SRC: variants seen among roughly 807,000 people sequenced by gnomAD.
SRC encodes the protein SRC proto-oncogene, non-receptor tyrosine kinase, also known as proto-oncogene tyrosine-protein kinase Src.
Under a neutral mutation model 62.9 loss-of-function variants are expected in SRC, and 13 were observed. That is an observed-to-expected ratio of 0.21 (90% CI 0.13 to 0.33). The LOEUF (loss-of-function observed/expected upper bound fraction) is 0.33, where lower values mean the gene tolerates loss of function less well. Ranked by LOEUF, SRC falls within the 10% of genes least tolerant of loss-of-function variation. The pLI, the probability that SRC is intolerant of heterozygous loss-of-function variation, is 1.00. For missense variants in SRC, 457 were observed against 737.3 expected (o/e 0.62, Z 4.40); for synonymous variants, 302 against 317.5 (o/e 0.95, Z 0.52).
At chr20:37,381,025 C>T (rs1174045036) in intron 2 of SRC, among the ~76,000 whole-genome samples, 2 of 151,998 alleles carry the variant, frequency 1.3e-5, no homozygotes, top group African/African-American at 2.4e-5. Flanking sequence ...TATTCCCGAT[C>T]GATAGAGAGG....
At position 37,403,420 on chromosome 20, in the gene SRC, G is replaced by T; in HGVS notation, c.*41G>T. ...GACCGGCTTCTCGGCTTGGATCCTG[G>T]GCTGGGTGGCCCCTGTCTCGGGGCT... On this transcript the variant is annotated 3_prime_UTR_variant, in exon 14 of 14. Coordinates refer to ENST00000373578, the MANE Select transcript of SRC (RefSeq NM_198291.3). This position sits in a 1 kb window ranked among gnomAD's most constrained non-coding sequence, Gnocchi z 7.1. The T allele has an allele frequency of 6.5e-7, 1 of 1,528,730 alleles. No homozygotes were observed. The allele number at this position is 1,528,730 out of a possible 1,614,324, so 94.7% of individuals were successfully genotyped here.
At chr20:37,346,365 C>T (rs1055993105) in intron 1 of SRC, 110 bp downstream of exon 1, 1 of 135,656 alleles carries the variant, frequency 7.4e-6, no homozygotes, top group South Asian at 2.1e-4. Context: ...CTCCTGTCCA[C>T]CCCCCCAATT....
chr20:37,357,344 C>T (rs2069898587), intron 1 of SRC, among the ~76,000 whole-genome samples: 1 of 152,224 alleles, frequency 6.6e-6, no homozygotes, highest in African/African-American at 2.4e-5. Context: ...ATGGGCCCTT[C>T]TCTTCTCTGG....
chr20:37,345,469 C>T (rs1254052638), upstream of SRC, among the ~76,000 whole-genome samples: 3 of 152,178 alleles, frequency 2.0e-5, no homozygotes, highest in Non-Finnish European at 4.4e-5. Flanking sequence ...AGGGGACTTC[C>T]GATGGGCTGC....
In SRC at chr20:37,398,953, G is replaced by A. The variant is rs999322507; in HGVS notation, c.859+1099G>A. Among the ~76,000 whole-genome samples the A allele has an allele frequency of 1.3e-5, 2 of 152,194 alleles. No homozygotes were observed. Among genetic ancestry groups the A allele is most frequent in the Admixed American group, 6.5e-5 (1 of 15,282 alleles). ...CGGAGGCCCAGCGACTGGGAGGAAC[G>A]GGCCCAAGGTCACACATCAAAGGAA... On this transcript the variant is annotated intron_variant, in intron 9 of 13. Coordinates refer to ENST00000373578, the MANE Select transcript of SRC (RefSeq NM_198291.3). The surrounding 1 kb of genome is among the most constrained non-coding windows in gnomAD (Gnocchi z 5.2).
At chr20:37,393,550 G>T (rs920344594) in intron 5 of SRC, among the ~76,000 whole-genome samples, 2 of 152,158 alleles carry the variant, frequency 1.3e-5, no homozygotes, top group Non-Finnish European at 1.5e-5. Flanking sequence ...GCAGCTCTCG[G>T]CATCTTGAGA....
At chr20:37,394,058 C>A (rs997962424) in intron 6 of SRC, 65 bp downstream of exon 6, 1 of 1,576,816 alleles carries the variant, frequency 6.3e-7, no homozygotes, top group Non-Finnish European at 8.7e-7. Flanking sequence ...GAGTGCCTCT[C>A]CTGGGCTGGG....
chr20:37,397,970 T>C lies in SRC; in HGVS notation c.859+116T>C, dbSNP rs1170303361. 2 of 1,328,712 alleles carry C rather than the reference T, an allele frequency of 1.5e-6. No homozygotes were observed. Among genetic ancestry groups the C allele is most frequent in the Admixed American group, 2.5e-5 (1 of 39,240 alleles). The allele number at this position is 1,328,712 out of a possible 1,614,324, so 82.3% of individuals were successfully genotyped here. A position where few individuals can be genotyped will look rare whatever the true frequency, so the allele number is the denominator to read the frequency against. On this transcript the variant is annotated intron_variant, in intron 9 of 13. Coordinates refer to ENST00000373578, the MANE Select transcript of SRC (RefSeq NM_198291.3). The surrounding 1 kb of genome is among the most constrained non-coding windows in gnomAD (Gnocchi z 4.1). The stretch of plus-strand genomic sequence containing the variant: ...CCTCTGCTGGATGACGGGGCCCTGT[T>C]GTAAATCTGGAGCTCCCCAGCGGTG...
At position 37,384,851 on chromosome 20, in the gene SRC, C is replaced by T. The variant is rs1452801341; in HGVS notation, c.250+448C>T. ...GTTGGGCCCGCGCCAGGATGCGCCC[C>T]TGCGCCCTCTGCTGGCGCTCTGCGG... is the stretch of plus-strand genomic sequence containing the variant. On this transcript the variant is annotated intron_variant, in intron 4 of 13. Transcript: ENST00000373578. The surrounding 1 kb of genome is among the most constrained non-coding windows in gnomAD (Gnocchi z 6.7). 6.6e-6 allele frequency among the ~76,000 whole-genome samples: 1 copy of T among 152,202 alleles called. No homozygotes were observed. The highest frequency in any genetic ancestry group is 2.4e-5 in the African/African-American group (1 of 41,456).
Position 37,395,056 on chromosome 20 carries a change from C to T in SRC, c.553+779C>T, listed in dbSNP as rs111446715. 1.5e-3 allele frequency among the ~76,000 whole-genome samples: 231 copies of T among 152,224 alleles called. 1 individual carries two copies. Among genetic ancestry groups the T allele is most frequent in the African/African-American group, 5.2e-3 (215 of 41,522 alleles). Reference sequence around the variant, plus strand: ...GCTACTGGGCATGGGCATGCCTGTGCGTGTATGGACATGTGGCTGGGGTTG... The same window carrying T: ...GCTACTGGGCATGGGCATGCCTGTGTGTGTATGGACATGTGGCTGGGGTTG... On this transcript the variant is annotated intron_variant, in intron 7 of 13. Coordinates refer to ENST00000373578, the MANE Select transcript of SRC (RefSeq NM_198291.3).
Position 37,398,172 on chromosome 20 carries a change from A to G in SRC, c.859+318A>G, listed in dbSNP as rs1005878530. Among the ~76,000 whole-genome samples the G allele has an allele frequency of 6.6e-6, 1 of 152,184 alleles. No individual in the cohort carries two copies. Among genetic ancestry groups the G allele is most frequent in the African/African-American group, 2.4e-5 (1 of 41,448 alleles). ...CCCGACTGTGAATGGGGCTGGTGAC[A>G]GTGGGACCTATGGGAGACTGTGGAG... On this transcript the variant is annotated intron_variant, in intron 9 of 13. Coordinates refer to ENST00000373578, the MANE Select transcript of SRC (RefSeq NM_198291.3). The surrounding 1 kb of genome is among the most constrained non-coding windows in gnomAD (Gnocchi z 5.2).
Position 37,396,976 on chromosome 20 carries a change from C to G in SRC, c.703+665C>G, listed in dbSNP as rs1601015503. 6.6e-6 allele frequency among the ~76,000 whole-genome samples: 1 copy of G among 152,134 alleles called. No homozygotes were observed. On this transcript the variant is annotated intron_variant, in intron 8 of 13. Transcript: ENST00000373578. The surrounding 1 kb of genome is among the most constrained non-coding windows in gnomAD (Gnocchi z 6.1). The stretch of plus-strand genomic sequence containing the variant: ...TCCTGACTTCCTCTGGGATCACCCG[C>G]CACTCTCTGTCTCTTCGGCCACCGC...
intron 7 of SRC, among the ~76,000 whole-genome samples, chr20:37,395,057 G>A (rs1406088383): frequency 2.0e-5 from 3 of 152,222 alleles, no homozygotes; most frequent in Non-Finnish European, 4.4e-5. Context: ...ATGCCTGTGC[G>A]TGTATGGACA....
rs910193728 is a variant in SRC at position 37,397,158 on chromosome 20, G to A, written c.704-541G>A. On this transcript the variant is annotated intron_variant, in intron 8 of 13. Coordinates refer to ENST00000373578, the MANE Select transcript of SRC (RefSeq NM_198291.3). This position sits in a 1 kb window ranked among gnomAD's most constrained non-coding sequence, Gnocchi z 4.1. ...CCACCCTTCCCCACCTGCTCCCTGC[G>A]CCCCTTTGTCCTCCGCTTCTCCAGC... is the stretch of plus-strand genomic sequence containing the variant. 1.3e-5 allele frequency among the ~76,000 whole-genome samples: 2 copies of A among 152,074 alleles called. No individual in the cohort carries two copies. Among genetic ancestry groups the A allele is most frequent in the African/African-American group, 4.8e-5 (2 of 41,470 alleles).
At chr20:37,388,254 C>T (rs1392769876) in intron 5 of SRC, among the ~76,000 whole-genome samples, 1 of 151,836 alleles carries the variant, frequency 6.6e-6, no homozygotes, top group Non-Finnish European at 1.5e-5. Context: ...TTTTTCCAGC[C>T]CTTTCCCTCC....
At position 37,378,933 on chromosome 20, in the gene SRC, C is replaced by T. The variant is rs146764957; in HGVS notation, c.-172-3686C>T. ...GCAGAGCCCCACACAGGGCTTGGCA[C>T]GTGGCAGGTGCTCTGCGAATACCTG... On this transcript the variant is annotated intron_variant, in intron 2 of 13. Coordinates refer to ENST00000373578, the MANE Select transcript of SRC (RefSeq NM_198291.3). Among the ~76,000 whole-genome samples the T allele has an allele frequency of 2.1e-4, 30 of 142,816 alleles. 1 individual carries two copies. The East Asian group carries it at 6.0e-3, about 28-fold the overall frequency. 93.7% of individuals were successfully genotyped at this position (142,816 alleles called of 152,430 possible). A position where few individuals can be genotyped will look rare whatever the true frequency, so the allele number is the denominator to read the frequency against.
At chr20:37,348,762 T>A (rs757306571) in intron 1 of SRC, among the ~76,000 whole-genome samples, 20 of 152,004 alleles carry the variant, frequency 1.3e-4, no homozygotes, top group Non-Finnish European at 1.3e-4. Context: ...GCCAGTTGAG[T>A]TACTATATAA....
chr20:37,384,546 G>GGA lies in SRC; in HGVS notation c.250+144_250+145insAG. ...GCCCCTGGGTGACTTGGGTGTCCGGGGGGTGGGGGGGCGGCCGTACACACT... is the reference window on the plus strand; with the variant it reads ...GCCCCTGGGTGACTTGGGTGTCCGGGGAGGGTGGGGGGGCGGCCGTACACACT... On this transcript the variant is annotated intron_variant, in intron 4 of 13. Transcript: ENST00000373578. This position sits in a 1 kb window ranked among gnomAD's most constrained non-coding sequence, Gnocchi z 6.7. 2.1e-6 allele frequency: 2 copies of GGA among 951,442 alleles called. No individual in the cohort carries two copies. The highest frequency in any genetic ancestry group is 3.6e-5 in the African/African-American group (2 of 55,900). 58.9% of individuals were successfully genotyped at this position (951,442 alleles called of 1,614,324 possible).
At chr20:37,353,156 G>A (rs540770016) in intron 1 of SRC, among the ~76,000 whole-genome samples, 4 of 152,290 alleles carry the variant, frequency 2.6e-5, no homozygotes, top group East Asian at 3.9e-4. Context: ...CAGCACCAGC[G>A]GGGCTGAGAC....
Sources: gnomAD v4.1 joint callset for allele counts (sites outside exome capture counted in the v4.1 genomes callset) on GRCh38, gnomAD v4.1.1 for gene constraint, Gnocchi (gnomAD v3.1) non-coding constraint, MANE v1.5 for transcripts, NCBI Gene and HGNC (gene_info 2026-07-23, HGNC 2026-07-21) for gene names.